Variants in FAM174A observed in about 807,000 individuals in gnomAD.
The protein encoded by FAM174A is family with sequence similarity 174 member A.
In FAM174A, 14 loss-of-function variants were observed where a neutral mutation model predicts 14.3. The observed-to-expected ratio is 0.98, with a 90% CI of 0.65 to 1.53. The LOEUF (loss-of-function observed/expected upper bound fraction) is 1.53. Among genes scored for constraint, FAM174A ranks in the 40% most tolerant of loss-of-function variants. FAM174A has a pLI of 0.00. For synonymous variants in FAM174A, 108 were observed against 111.4 expected, an observed-to-expected ratio of 0.97 and a Z score of 0.19; for missense variants, 241 against 249.6, an observed-to-expected ratio of 0.97 and a Z score of 0.23.
chr5:100,580,512 C>G (rs1172508275), intron 2 of FAM174A, among the ~76,000 whole-genome samples: 1 of 152,198 alleles, frequency 6.6e-6, no homozygotes, highest in Non-Finnish European at 1.5e-5. Context: ...GCATCCAGCA[C>G]AGGAGAAAGA....
chr5:100,569,664 A>G (rs1746734886), intron 2 of FAM174A, among the ~76,000 whole-genome samples: 2 of 151,900 alleles, frequency 1.3e-5, no homozygotes, highest in African/African-American at 2.4e-5. Flanking sequence ...ATGATATCCT[A>G]CTGGGCAGAG....
intron 1 of FAM174A, among the ~76,000 whole-genome samples, chr5:100,548,148 A>T (rs1746197569): frequency 6.6e-6 from 1 of 152,126 alleles, no homozygotes; most frequent in African/African-American, 2.4e-5. Context: ...TTACTCCTAG[A>T]CAATGGCTGG....
chr5:100,571,691 T>TATATATATATATAC (rs1320690709), intron 2 of FAM174A, among the ~76,000 whole-genome samples: 2 of 146,602 alleles, frequency 1.4e-5, no homozygotes, highest in African/African-American at 5.0e-5. Context: ...TATATATATA[T>TATATATATATATAC]ACACACACAC....
intron 2 of FAM174A, among the ~76,000 whole-genome samples, chr5:100,565,406 A>T (rs767209027): frequency 4.6e-5 from 7 of 151,874 alleles, no homozygotes; most frequent in Non-Finnish European, 1.0e-4. Context: ...CAAAATATTT[A>T]TAAACCATAT....
chr5:100,564,144 C>G (rs1282486220), intron 2 of FAM174A, among the ~76,000 whole-genome samples: 1 of 151,860 alleles, frequency 6.6e-6, no homozygotes, highest in Non-Finnish European at 1.5e-5. Flanking sequence ...AGAAGCCAAG[C>G]AGATGTCAGC....
At chr5:100,565,996 G>T (rs2112389694) in intron 2 of FAM174A, among the ~76,000 whole-genome samples, 1 of 148,202 alleles carries the variant, frequency 6.7e-6, no homozygotes, top group South Asian at 2.1e-4. Flanking sequence ...AGAACAGCAT[G>T]GGAAAAACTT....
chr5:100,544,850 C>T (rs1746133051), intron 1 of FAM174A, among the ~76,000 whole-genome samples: 1 of 152,168 alleles, frequency 6.6e-6, no homozygotes, highest in South Asian at 2.1e-4. Context: ...GATTGAGATG[C>T]TTCTGGTTAG....
At chr5:100,571,012 A>C (rs1220876989) in intron 2 of FAM174A, among the ~76,000 whole-genome samples, 1 of 151,902 alleles carries the variant, frequency 6.6e-6, no homozygotes, top group Non-Finnish European at 1.5e-5. Flanking sequence ...TGTTAAACCA[A>C]CATAATAGTC....
chr5:100,544,687 G>A (rs1031557607), intron 1 of FAM174A, among the ~76,000 whole-genome samples: 13 of 152,000 alleles, frequency 8.6e-5, no homozygotes, highest in African/African-American at 2.7e-4. Context: ...TTTAACAGGT[G>A]TATATTTGCA....
At chr5:100,540,627 C>G (rs1400022318) in intron 1 of FAM174A, among the ~76,000 whole-genome samples, 1 of 151,982 alleles carries the variant, frequency 6.6e-6, no homozygotes, top group African/African-American at 2.4e-5. Flanking sequence ...ACTCATACAC[C>G]TAAAATATTT....
chr5:100,562,031 C>G, intron 1 of FAM174A, 23 bp from the exon 2 acceptor site: 1 of 1,365,476 alleles, frequency 7.3e-7, no homozygotes, highest in Non-Finnish European at 9.9e-7. Context: ...AATTTTTATT[C>G]ATTAATTTGT....
chr5:100,548,346 C>T (rs756018176), intron 1 of FAM174A, among the ~76,000 whole-genome samples: 7 of 152,002 alleles, frequency 4.6e-5, no homozygotes, highest in Admixed American at 1.3e-4. Flanking sequence ...TTCATCAGAA[C>T]AACAACTAAT....
chr5:100,573,896 G>C (rs1337004343), intron 2 of FAM174A, among the ~76,000 whole-genome samples: 1 of 151,552 alleles, frequency 6.6e-6, no homozygotes, highest in Non-Finnish European at 1.5e-5. Context: ...CAATGGAACA[G>C]AACAGAGCCC....
At chr5:100,570,231 T>C (rs2112393959) in intron 2 of FAM174A, among the ~76,000 whole-genome samples, 1 of 152,060 alleles carries the variant, frequency 6.6e-6, no homozygotes, top group East Asian at 1.9e-4. Context: ...TTTATTCCTA[T>C]TACCTTCTGT....
At chr5:100,557,711 T>C (rs982261963) in intron 1 of FAM174A, among the ~76,000 whole-genome samples, 2 of 152,216 alleles carry the variant, frequency 1.3e-5, no homozygotes, top group African/African-American at 4.8e-5. Flanking sequence ...CTAGATTTTC[T>C]AGTTTATTTG....
intron 2 of FAM174A, among the ~76,000 whole-genome samples, chr5:100,564,738 C>T (rs1175840176): frequency 2.6e-5 from 4 of 151,796 alleles, no homozygotes; most frequent in African/African-American, 9.7e-5. Context: ...CATGAGACTA[C>T]TATGAACAAT....
intron 2 of FAM174A, among the ~76,000 whole-genome samples, chr5:100,580,339 A>G (rs1746986462): frequency 6.6e-6 from 1 of 152,218 alleles, no homozygotes. Context: ...AGGGTTCTCT[A>G]GAGGGACAAA....
At chr5:100,575,137 T>A (rs1030724714) in intron 2 of FAM174A, among the ~76,000 whole-genome samples, 2 of 152,146 alleles carry the variant, frequency 1.3e-5, no homozygotes, top group African/African-American at 4.8e-5. Context: ...ACCACTTGTA[T>A]TACTGTTAAT....
intron 2 of FAM174A, chr5:100,581,429 A>C: frequency 1.0e-6 from 1 of 972,122 alleles, no homozygotes; most frequent in Non-Finnish European, 1.2e-6. Flanking sequence ...AGTTAAAGTT[A>C]TTTTTTTAAA....
Sources: gnomAD v4.1 joint callset for allele counts (sites outside exome capture counted in the v4.1 genomes callset) on GRCh38, gnomAD v4.1.1 for gene constraint, MANE v1.5 for transcripts, NCBI Gene and HGNC (gene_info 2026-07-23, HGNC 2026-07-21) for gene names.